Variants in FGF14 observed in about 807,000 individuals in gnomAD.
FGF14 encodes the protein fibroblast growth factor homologous factor 4.
Under a neutral mutation model 25.5 loss-of-function variants are expected in FGF14, and 5 were observed. The observed-to-expected ratio is 0.20, with a 90% CI of 0.10 to 0.41. The LOEUF (loss-of-function observed/expected upper bound fraction) is 0.41. Among genes scored for constraint, FGF14 ranks in the 10% least tolerant of loss-of-function variants. The pLI is 1.00. For missense variants in FGF14, 222 were observed against 320.1 expected (o/e 0.69, Z 2.34); for synonymous variants, 138 against 118.3 (o/e 1.17, Z -1.08).
intron 1 of FGF14, among the ~76,000 whole-genome samples, chr13:102,031,493 T>C (rs2139936690): frequency 6.6e-6 from 1 of 152,220 alleles, no homozygotes; most frequent in Non-Finnish European, 1.5e-5. Flanking sequence ...TAAAAGTTCT[T>C]CCTCTTATGC....
intron 1 of FGF14, among the ~76,000 whole-genome samples, chr13:102,055,529 C>G (rs984156800): frequency 2.0e-5 from 3 of 152,200 alleles, no homozygotes; most frequent in Non-Finnish European, 4.4e-5. Context: ...AATCTAAACT[C>G]TTTACCCTGT....
intron 1 of FGF14, among the ~76,000 whole-genome samples, chr13:102,329,559 A>G (rs61965564): frequency 0.28 from 43,043 of 151,922 alleles, 6,348 homozygotes; most frequent in Admixed American, 0.39. Flanking sequence ...TTCATCATCA[A>G]TCTACCCAAG....
intron 1 of FGF14, among the ~76,000 whole-genome samples, chr13:102,215,546 A>T (rs2050335690): frequency 6.6e-6 from 1 of 152,176 alleles, no homozygotes; most frequent in South Asian, 2.1e-4. Context: ...TCTAGTTCCT[A>T]TGCCTGCATC....
intron 1 of FGF14, among the ~76,000 whole-genome samples, chr13:102,039,068 G>T (rs2041608932): frequency 6.6e-6 from 1 of 152,118 alleles, no homozygotes. Flanking sequence ...AATAGACTCA[G>T]GTAAATGACA....
chr13:102,309,000 C>T (rs1228643797), intron 1 of FGF14, among the ~76,000 whole-genome samples: 1 of 151,356 alleles, frequency 6.6e-6, no homozygotes, highest in Admixed American at 6.6e-5. Context: ...GTGAGTTTTC[C>T]AAGACCTGAA....
chr13:102,362,726 C>A (rs1004273984), intron 1 of FGF14, among the ~76,000 whole-genome samples: 2 of 152,118 alleles, frequency 1.3e-5, no homozygotes. Context: ...ACGGTCCCCA[C>A]ACCACTATTT....
intron 1 of FGF14, among the ~76,000 whole-genome samples, chr13:102,340,461 A>G (rs2056916285): frequency 6.6e-6 from 1 of 151,656 alleles, no homozygotes; most frequent in East Asian, 1.9e-4. Context: ...ACACACACAC[A>G]CGCCAAAAAA....
At position 102,078,214 on chromosome 13, in the gene FGF14, G is replaced by C. The variant is rs545895385; in HGVS notation, c.209-202918C>G. On this transcript the variant is annotated intron_variant, in intron 1 of 4. Coordinates refer to the FGF14 transcript ENST00000376131. ...AAAAAATAAATTCAAGAAATCTATTGTCCAATATGGTAACTATAGTTGATA... is the reference window on the plus strand; with the variant it reads ...AAAAAATAAATTCAAGAAATCTATTCTCCAATATGGTAACTATAGTTGATA... 1.7e-4 allele frequency among the ~76,000 whole-genome samples: 26 copies of C among 152,182 alleles called. No homozygotes were observed. The South Asian group carries it at 5.4e-3, about 32-fold the overall frequency.
At chr13:102,142,598 A>G (rs1699876763) in intron 1 of FGF14, among the ~76,000 whole-genome samples, 1 of 152,188 alleles carries the variant, frequency 6.6e-6, no homozygotes, top group Admixed American at 6.6e-5. Context: ...AAGCCAAAAC[A>G]AAGTTCAAAG....
intron 1 of FGF14, among the ~76,000 whole-genome samples, chr13:102,297,360 T>C (rs1199959654): frequency 6.6e-6 from 1 of 152,060 alleles, no homozygotes; most frequent in African/African-American, 2.4e-5. Context: ...GTATCTTATA[T>C]GGAAAACTGG....
At chr13:102,156,537 A>G (rs938111341) in intron 1 of FGF14, among the ~76,000 whole-genome samples, 1 of 152,230 alleles carries the variant, frequency 6.6e-6, no homozygotes, top group Non-Finnish European at 1.5e-5. Flanking sequence ...ATTTATGACA[A>G]ACCCACAGCC....
intron 1 of FGF14, among the ~76,000 whole-genome samples, chr13:102,090,542 T>C (rs532913729): frequency 6.6e-6 from 1 of 152,266 alleles, no homozygotes; most frequent in African/African-American, 2.4e-5. Flanking sequence ...CTGGTAACCA[T>C]TGTGTTTAAG....
chr13:101,942,957 C>T (rs1265402075), intron 1 of FGF14, among the ~76,000 whole-genome samples: 1 of 152,216 alleles, frequency 6.6e-6, no homozygotes, highest in Non-Finnish European at 1.5e-5. Flanking sequence ...CTAATGAAAA[C>T]CAGGCAGTGG....
intron 1 of FGF14, among the ~76,000 whole-genome samples, chr13:101,972,725 T>C (rs1356995089): frequency 6.6e-6 from 1 of 152,156 alleles, no homozygotes; most frequent in African/African-American, 2.4e-5. Flanking sequence ...CCCAGGCAGG[T>C]CTCGAACTCC....
intron 3 of FGF14, among the ~76,000 whole-genome samples, chr13:101,837,736 G>A (rs530335867): frequency 1.2e-4 from 18 of 152,066 alleles, no homozygotes; most frequent in African/African-American, 4.3e-4. Context: ...AATTTATCCT[G>A]AAATATATTC....
rs1232843286 is a variant in FGF14, at chr13:102,400,806, G to C, written c.208+665C>G. ...GGGACTTCAATTACAAATATTAGAG[G>C]GGCTGGGCTTGTCCTCTCAGTCTGG... On this transcript the variant is annotated intron_variant, in intron 1 of 4. Coordinates refer to the FGF14 transcript ENST00000376131. This position sits in a 1 kb window ranked among gnomAD's most constrained non-coding sequence, Gnocchi z 4.3. Among the ~76,000 whole-genome samples the C allele has an allele frequency of 6.6e-6, 1 of 152,030 alleles. No individual in the cohort carries two copies. The highest frequency in any genetic ancestry group is 1.5e-5 in the Non-Finnish European group (1 of 67,996).
intron 3 of FGF14, among the ~76,000 whole-genome samples, chr13:101,842,672 G>A (rs949025708): frequency 1.1e-4 from 17 of 152,100 alleles, no homozygotes; most frequent in Middle Eastern, 6.8e-3. Context: ...TGAGGAGAGG[G>A]AGAGAACAGA....
rs2050314384 is a variant in FGF14, at chr13:102,215,064, CAT to C, written c.208+186405_208+186406del. Among the ~76,000 whole-genome samples the C allele has an allele frequency of 2.0e-5, 3 of 149,926 alleles. No homozygotes were observed. In the South Asian group the frequency reaches 6.3e-4, roughly 32 times the overall value. On this transcript the variant is annotated intron_variant, in intron 1 of 4. Coordinates refer to the FGF14 transcript ENST00000376131. Reference sequence around the variant, plus strand: ...CCACCCACATGCTGTGAAGGAGAAACATATCACTATTCACTCTTCTAGGAAAA... The same window carrying C: ...CCACCCACATGCTGTGAAGGAGAAACATCACTATTCACTCTTCTAGGAAAA...
chr13:102,315,147 TCA>T (rs902576925), intron 1 of FGF14, among the ~76,000 whole-genome samples: 5 of 151,494 alleles, frequency 3.3e-5, no homozygotes, highest in African/African-American at 7.3e-5. Context: ...GAATATTATA[TCA>T]CACACACACA....
Sources: gnomAD v4.1 joint callset for allele counts (sites outside exome capture counted in the v4.1 genomes callset) on GRCh38, gnomAD v4.1.1 for gene constraint, Gnocchi (gnomAD v3.1) non-coding constraint, MANE v1.5 for transcripts, NCBI Gene and HGNC (gene_info 2026-07-23, HGNC 2026-07-21) for gene names.